The following ZC3HC1 variants were observed in gnomAD, a reference collection of about 807,000 sequenced individuals.
The protein encoded by ZC3HC1 is zinc finger C3HC-type protein 1.
Under a neutral mutation model 61.9 loss-of-function variants are expected in ZC3HC1, and 38 were observed. That is an observed-to-expected ratio of 0.61 (90% CI 0.47 to 0.81). The LOEUF is 0.81. Ranked by LOEUF, ZC3HC1 falls within the 30% of genes least tolerant of loss-of-function variation. ZC3HC1 has a pLI of 0.00. For missense variants in ZC3HC1, 554 were observed against 622.7 expected, an observed-to-expected ratio of 0.89 and a Z score of 1.17; for synonymous variants, 213 against 229.9, an observed-to-expected ratio of 0.93 and a Z score of 0.67.
intron 9 of ZC3HC1, among the ~76,000 whole-genome samples, chr7:130,020,224 G>A (rs998713585): frequency 8.6e-5 from 13 of 151,748 alleles, no homozygotes; most frequent in African/African-American, 2.9e-4. Flanking sequence ...AGTTAATAGA[G>A]TGACAAAGTT....
chr7:130,037,314 C>T (rs937465376), intron 4 of ZC3HC1, among the ~76,000 whole-genome samples: 3 of 152,038 alleles, frequency 2.0e-5, no homozygotes, highest in Non-Finnish European at 4.4e-5. Flanking sequence ...TGTGGTGGCA[C>T]GCGCCTGTAG....
At chr7:130,030,491 C>T (rs1363845372) in intron 4 of ZC3HC1, among the ~76,000 whole-genome samples, 9 of 152,004 alleles carry the variant, frequency 5.9e-5, no homozygotes, top group South Asian at 2.1e-4. Context: ...TAAGTCACCA[C>T]GCCCAGCCCT....
chr7:130,024,741 G>A (rs561153531), intron 6 of ZC3HC1, among the ~76,000 whole-genome samples: 2 of 151,916 alleles, frequency 1.3e-5, no homozygotes, highest in East Asian at 3.9e-4. Context: ...CTGTTTTGCA[G>A]GCATGTTTTA....
At position 130,050,172 on chromosome 7, in the gene ZC3HC1, G is replaced by C. The variant is rs539295301; in HGVS notation, c.147-1028C>G. Among the ~76,000 whole-genome samples, 43 of 152,086 alleles carry C rather than the reference G, an allele frequency of 2.8e-4. No homozygotes were observed. In the East Asian group the frequency reaches 7.6e-3, roughly 27 times the overall value. On this transcript the variant is annotated intron_variant, in intron 1 of 9. Transcript: ENST00000358303. ...GGCTCACTGCAACCTCCGCCTCCCA[G>C]GTTCAACCAATTCTCCTGCCTCAGC...
intron 5 of ZC3HC1, among the ~76,000 whole-genome samples, chr7:130,028,455 T>C (rs1039652022): frequency 2.0e-5 from 3 of 151,972 alleles, no homozygotes; most frequent in Non-Finnish European, 4.4e-5. Context: ...GGCAGGAGAA[T>C]TGCGTGGACC....
intron 9 of ZC3HC1, among the ~76,000 whole-genome samples, chr7:130,020,632 G>C (rs964054755): frequency 1.3e-5 from 2 of 151,514 alleles, no homozygotes; most frequent in African/African-American, 2.4e-5. Context: ...TTCTAGCTTC[G>C]TCACAGCAGC....
chr7:130,022,643 G>T, intron 8 of ZC3HC1, 118 bp from the exon 9 acceptor site: 1 of 1,080,854 alleles, frequency 9.3e-7, no homozygotes, highest in Non-Finnish European at 1.3e-6. Flanking sequence ...GAGTGTTTAT[G>T]CTCTCCTTCA....
At chr7:130,036,893 C>G (rs911646785) in intron 4 of ZC3HC1, 11 of 152,100 alleles carry the variant, frequency 7.2e-5, no homozygotes, top group Non-Finnish European at 1.5e-4. Context: ...GACGTCAGTG[C>G]CATTTGCCAA....
chr7:130,022,242 A>G, intron 9 of ZC3HC1, 77 bp downstream of exon 9: 1 of 1,570,300 alleles, frequency 6.4e-7, no homozygotes, highest in Non-Finnish European at 8.7e-7. Flanking sequence ...GCGGGGTGCT[A>G]ATTATAGGCC....
At chr7:130,026,521 AG>A in intron 5 of ZC3HC1, 1 of 452,366 alleles carries the variant, frequency 2.2e-6, no homozygotes. Flanking sequence ...CTGCTGACTG[AG>A]AAAGATGGAG....
chr7:130,025,863 T>G (rs1584844730), intron 6 of ZC3HC1, among the ~76,000 whole-genome samples: 1 of 63,034 alleles, frequency 1.6e-5, no homozygotes, highest in Non-Finnish European at 2.7e-5. Flanking sequence ...AGAATGAGAC[T>G]CCGTCTCAAA....
At position 130,023,512 on chromosome 7, in the gene ZC3HC1, G is replaced by A. The variant is rs753807397; in HGVS notation, c.1232C>T (p.Ser411Leu). ...KRARLCSSSS[S>L]DTSSRSFFDP... ...CTGCTACATGCGAGGTGGACTCACC[G>A]AACTGCTGGAGGAGCAGAGGCGAGC... The change falls in exon 8 of 10, where the codon TCG becomes TTG. Residue 411 changes from serine (S) to leucine (L), a missense_variant and splice_region_variant. Physicochemically the swap from Ser to Leu is moderately radical, Grantham distance 145. Coordinates refer to ENST00000358303, the MANE Select transcript of ZC3HC1 (RefSeq NM_016478.5). The surrounding 1 kb of genome is among the most constrained non-coding windows in gnomAD (Gnocchi z 4.2). 17 of 1,613,884 alleles carry A rather than the reference G, an allele frequency of 1.1e-5. No individual in the cohort carries two copies. Among genetic ancestry groups the A allele is most frequent in the South Asian group, 2.2e-5 (2 of 91,070 alleles).
At chr7:130,022,234 G>T in intron 9 of ZC3HC1, 85 bp downstream of exon 9, 1 of 1,521,280 alleles carries the variant, frequency 6.6e-7, no homozygotes. Flanking sequence ...GAAGGCAGGC[G>T]GGGTGCTAAT....
At chr7:130,039,110 C>T (rs1430030420) in intron 4 of ZC3HC1, among the ~76,000 whole-genome samples, 3 of 151,982 alleles carry the variant, frequency 2.0e-5, no homozygotes, top group African/African-American at 7.2e-5. Flanking sequence ...TTTGGGAGGC[C>T]GAGACGGGCG....
intron 4 of ZC3HC1, among the ~76,000 whole-genome samples, chr7:130,037,128 A>T (rs1203556737): frequency 5.9e-5 from 9 of 152,206 alleles, no homozygotes; most frequent in Non-Finnish European, 2.9e-5. Context: ...AACCACCAAT[A>T]GAGCCCTGGG....
intron 4 of ZC3HC1, among the ~76,000 whole-genome samples, chr7:130,030,361 G>C (rs1794123279): frequency 6.6e-6 from 1 of 151,880 alleles, no homozygotes; most frequent in Non-Finnish European, 1.5e-5. Flanking sequence ...CACCACACCT[G>C]GTTAATTTTT....
chr7:130,048,921 C>A (rs1489333118), intron 2 of ZC3HC1, 112 bp downstream of exon 2: 2 of 731,334 alleles, frequency 2.7e-6, no homozygotes, highest in Admixed American at 7.9e-5. Context: ...TATATAATTT[C>A]TTACCAAGGT....
intron 2 of ZC3HC1, chr7:130,043,303 C>T (rs1414119490): frequency 6.6e-6 from 1 of 151,550 alleles, no homozygotes; most frequent in Non-Finnish European, 1.5e-5. Context: ...CTGAAGAGCT[C>T]TTATTTCACA....
chr7:130,020,601 A>T (rs1193532563), intron 9 of ZC3HC1, among the ~76,000 whole-genome samples: 1 of 151,578 alleles, frequency 6.6e-6, no homozygotes, highest in Non-Finnish European at 1.5e-5. Flanking sequence ...AGGATCCTTT[A>T]CCACACAGTC....
Sources: allele counts gnomAD v4.1 joint callset (sites outside exome capture counted in the v4.1 genomes callset), GRCh38; gene constraint gnomAD v4.1.1; non-coding constraint Gnocchi (gnomAD v3.1); transcripts MANE v1.5; gene names NCBI Gene and HGNC (gene_info 2026-07-23, HGNC 2026-07-21).